Variants in DYNLT5 observed in about 807,000 individuals in gnomAD.
DYNLT5 encodes the protein dynein light chain Tctex-type 5.
In DYNLT5, 25 loss-of-function variants were observed where a neutral mutation model predicts 19.3. That is an observed-to-expected ratio of 1.30 (90% confidence interval 0.95 to 1.81). DYNLT5 has a LOEUF of 1.81. Ranked by LOEUF, DYNLT5 falls within the 40% of genes most tolerant of loss-of-function variation. DYNLT5 has a pLI of 0.00. For synonymous variants in DYNLT5, 82 were observed against 68.9 expected (o/e 1.19, Z -0.94); for missense variants, 232 against 217.9 (o/e 1.06, Z -0.41).
chr1:66,761,291 T>G (rs2094645549), intron 2 of DYNLT5, among the ~76,000 whole-genome samples: 2 of 152,224 alleles, frequency 1.3e-5, no homozygotes, highest in Non-Finnish European at 2.9e-5. Context: ...TATTAAGTAT[T>G]CAATAGCATT....
intron 2 of DYNLT5, among the ~76,000 whole-genome samples, chr1:66,761,246 A>G (rs1346283299): frequency 6.6e-6 from 1 of 152,230 alleles, no homozygotes; most frequent in Non-Finnish European, 1.5e-5. Flanking sequence ...TTTCCAGTGC[A>G]CATAAAAATT....
At chr1:66,770,832 G>A (rs1479058315) in intron 3 of DYNLT5, 2 of 296,582 alleles carry the variant, frequency 6.7e-6, no homozygotes, top group East Asian at 1.8e-4. Context: ...ACCAATCAGT[G>A]TTGTTAGGTG....
chr1:66,767,099 C>T (rs189217731), intron 2 of DYNLT5, among the ~76,000 whole-genome samples: 2 of 151,824 alleles, frequency 1.3e-5, no homozygotes, highest in East Asian at 3.9e-4. Flanking sequence ...ACAAGTTCAC[C>T]TATATAACAA....
At chr1:66,771,799 C>T (rs1645205866) in intron 3 of DYNLT5, among the ~76,000 whole-genome samples, 1 of 152,186 alleles carries the variant, frequency 6.6e-6, no homozygotes, top group Non-Finnish European at 1.5e-5. Context: ...TTGAACAAGA[C>T]AGGGCCAGTG....
At position 66,779,036 on chromosome 1, in the gene DYNLT5, C is replaced by A. The variant is rs1645254719; in HGVS notation, c.*1582C>A. 2.0e-5 allele frequency among the ~76,000 whole-genome samples: 3 copies of A among 152,166 alleles called. No individual in the cohort carries two copies. Reference sequence around the variant, plus strand: ...TGAATAAATGAAAATGAAGAAACTTCTTTAACATATACAAAGTCTATTGTA... The same window carrying A: ...TGAATAAATGAAAATGAAGAAACTTATTTAACATATACAAAGTCTATTGTA... On this transcript the variant is annotated 3_prime_UTR_variant, in exon 5 of 5. Coordinates refer to ENST00000282670, the MANE Select transcript of DYNLT5 (RefSeq NM_152665.3).
intron 2 of DYNLT5, 111 bp downstream of exon 2, chr1:66,754,888 A>T (rs560716892): frequency 1.7e-6 from 2 of 1,183,696 alleles, no homozygotes; most frequent in African/African-American, 3.1e-5. Flanking sequence ...AAAATGGGCA[A>T]GTACAAGGTG....
chr1:66,764,215 A>G (rs2150863175), intron 2 of DYNLT5, among the ~76,000 whole-genome samples: 1 of 152,206 alleles, frequency 6.6e-6, no homozygotes, highest in East Asian at 1.9e-4. Flanking sequence ...AACAAACAAA[A>G]AATCTACTTA....
intron 2 of DYNLT5, among the ~76,000 whole-genome samples, chr1:66,758,959 C>T (rs554782684): frequency 1.3e-5 from 2 of 152,238 alleles, no homozygotes; most frequent in African/African-American, 4.8e-5. Context: ...GTTGTATCAC[C>T]ATGTATGTTA....
intron 2 of DYNLT5, among the ~76,000 whole-genome samples, chr1:66,765,330 T>C (rs942045159): frequency 4.6e-5 from 7 of 152,234 alleles, no homozygotes; most frequent in Non-Finnish European, 8.8e-5. Flanking sequence ...TTAAAGATAC[T>C]ACTTTAATGT....
intron 2 of DYNLT5, among the ~76,000 whole-genome samples, chr1:66,764,431 G>A (rs767112661): frequency 4.9e-4 from 74 of 152,172 alleles, no homozygotes; most frequent in Non-Finnish European, 9.1e-4. Context: ...TTGTGTCACA[G>A]GAAATAGGAA....
intron 3 of DYNLT5, among the ~76,000 whole-genome samples, chr1:66,774,313 A>G (rs1162852698): frequency 1.3e-5 from 2 of 152,092 alleles, no homozygotes; most frequent in African/African-American, 4.8e-5. Context: ...AAAGACTCTC[A>G]TTGTCCTGGC....
intron 2 of DYNLT5, among the ~76,000 whole-genome samples, chr1:66,767,079 C>A (rs1645160993): frequency 6.6e-6 from 1 of 152,016 alleles, no homozygotes; most frequent in South Asian, 2.1e-4. Flanking sequence ...GTACAACAAA[C>A]TCCCGTGACA....
intron 2 of DYNLT5, among the ~76,000 whole-genome samples, chr1:66,761,380 A>G (rs901937012): frequency 5.9e-5 from 9 of 152,256 alleles, no homozygotes; most frequent in Non-Finnish European, 1.5e-5. Context: ...CTGAACCTTC[A>G]GCAAGTTGTC....
At chr1:66,762,891 A>T (rs1161472881) in intron 2 of DYNLT5, among the ~76,000 whole-genome samples, 1 of 152,244 alleles carries the variant, frequency 6.6e-6, no homozygotes, top group Non-Finnish European at 1.5e-5. Context: ...CAAAGAAAAG[A>T]TAAATGTTTG....
intron 2 of DYNLT5, among the ~76,000 whole-genome samples, chr1:66,764,003 G>A (rs2094650275): frequency 6.6e-6 from 1 of 151,972 alleles, no homozygotes; most frequent in African/African-American, 2.4e-5. Flanking sequence ...TGGGCAACAT[G>A]GCAAAACCCT....
intron 3 of DYNLT5, chr1:66,775,469 A>G (rs980259637): frequency 2.0e-5 from 3 of 152,366 alleles, no homozygotes; most frequent in Admixed American, 2.0e-4. Flanking sequence ...ATTTAATTCT[A>G]TTTAAATTCA....
At chr1:66,760,968 G>C (rs1295727551) in intron 2 of DYNLT5, among the ~76,000 whole-genome samples, 1 of 152,110 alleles carries the variant, frequency 6.6e-6, no homozygotes, top group African/African-American at 2.4e-5. Context: ...CAGGTTGCAT[G>C]GTTCATTCTT....
At chr1:66,755,273 T>G (rs2094634106) in intron 2 of DYNLT5, among the ~76,000 whole-genome samples, 1 of 152,228 alleles carries the variant, frequency 6.6e-6, no homozygotes, top group South Asian at 2.1e-4. Flanking sequence ...ACTTTAAGTT[T>G]GTTTCCATTT....
Position 66,754,382 on chromosome 1 carries a change from G to A in DYNLT5, c.-3-274G>A, listed in dbSNP as rs567423044. On this transcript the variant is annotated intron_variant, in intron 1 of 4. Coordinates refer to ENST00000282670, the MANE Select transcript of DYNLT5 (RefSeq NM_152665.3). The stretch of plus-strand genomic sequence containing the variant: ...TGCATATCTTTTGTCAATGACCTCC[G>A]TCTTCATCAGCTAAGCATTTTTGCT... 3.3e-5 allele frequency among the ~76,000 whole-genome samples: 5 copies of A among 152,144 alleles called. No individual in the cohort carries two copies. In the South Asian group the frequency reaches 6.2e-4, roughly 19 times the overall value.
Sources: allele counts gnomAD v4.1 joint callset (sites outside exome capture counted in the v4.1 genomes callset), GRCh38; gene constraint gnomAD v4.1.1; transcripts MANE v1.5; gene names NCBI Gene and HGNC (gene_info 2026-07-23, HGNC 2026-07-21).